Variants in MMP24 observed in about 807,000 individuals in gnomAD.
MMP24 encodes the protein matrix metalloproteinase-24.
MMP24 carries 25 observed loss-of-function variants against 62.8 expected under a neutral mutation model. The ratio of observed to expected loss-of-function variants is 0.40; its 90% CI spans 0.29 to 0.56. MMP24 has a LOEUF of 0.56. Among genes scored for constraint, MMP24 ranks in the 20% least tolerant of loss-of-function variants. The pLI is 0.50. For missense variants in MMP24, 634 were observed against 853.6 expected (o/e 0.74, Z 3.21); for synonymous variants, 319 against 350.5 (o/e 0.91, Z 1.00).
chr20:35,259,310 T>C (rs2060591096), intron 4 of MMP24, among the ~76,000 whole-genome samples: 1 of 152,220 alleles, frequency 6.6e-6, no homozygotes, highest in South Asian at 2.1e-4. Context: ...CTGCAGGTGG[T>C]CCGAGTATTT....
In MMP24 at chr20:35,274,709, G is replaced by T; in HGVS notation, c.*100G>T. On this transcript the variant is annotated 3_prime_UTR_variant, in exon 9 of 9. Coordinates refer to ENST00000246186, the MANE Select transcript of MMP24 (RefSeq NM_006690.4). This position sits in a 1 kb window ranked among gnomAD's most constrained non-coding sequence, Gnocchi z 5.1. The stretch of plus-strand genomic sequence containing the variant: ...TGGCCAGTGCTCACCAGGGCCAGCA[G>T]GGCCCTAGGCTGGGGTCGTACAGCT... 9.3e-7 allele frequency: 1 copy of T among 1,080,994 alleles called. No homozygotes were observed. The highest frequency in any genetic ancestry group is 1.6e-5 in the African/African-American group (1 of 62,860). The allele number at this position is 1,080,994 out of a possible 1,614,324, so 67.0% of individuals were successfully genotyped here.
intron 1 of MMP24, among the ~76,000 whole-genome samples, chr20:35,244,930 A>C: frequency 6.6e-6 from 1 of 152,208 alleles, no homozygotes; most frequent in East Asian, 1.9e-4. Flanking sequence ...AAGGATACTC[A>C]GTCAATTCTT....
Position 35,276,591 on chromosome 20 carries a change from T to C in MMP24, c.*1982T>C. 1 of 279,426 alleles carries C rather than the reference T, an allele frequency of 3.6e-6. No homozygotes were observed. The highest frequency in any genetic ancestry group is 6.7e-6 in the Non-Finnish European group (1 of 150,064). The allele number at this position is 279,426 out of a possible 1,614,324, so 17.3% of individuals were successfully genotyped here. ...GTATCCACCTCTTCCTGGCCTCCCT[T>C]CCCCCACTTCCTGGTCCCTGTCCAC... On this transcript the variant is annotated 3_prime_UTR_variant, in exon 9 of 9. Coordinates refer to ENST00000246186, the MANE Select transcript of MMP24 (RefSeq NM_006690.4).
chr20:35,261,795 C>CTTTTTTT (rs11335936), intron 4 of MMP24, among the ~76,000 whole-genome samples: 7 of 88,992 alleles, frequency 7.9e-5, no homozygotes, highest in Admixed American at 2.4e-4. Context: ...TCAGGGCATC[C>CTTTTTTT]TTTTTTTTTT....
chr20:35,250,957 G>GCTAC (rs1480563439), intron 2 of MMP24, among the ~76,000 whole-genome samples: 1 of 152,122 alleles, frequency 6.6e-6, no homozygotes, highest in Non-Finnish European at 1.5e-5. Context: ...CAGGCACTGG[G>GCTAC]CTACCTTCTT....
Position 35,246,873 on chromosome 20 carries a change from T to C in MMP24, c.280T>C (p.Tyr94His), listed in dbSNP as rs1358975103. 7 of 1,614,048 alleles carry C rather than the reference T, an allele frequency of 4.3e-6. No homozygotes were observed. Among genetic ancestry groups the C allele is most frequent in the Non-Finnish European group, 5.9e-6 (7 of 1,179,888 alleles). The change falls in exon 2 of 9, where the codon TAT (tyrosine) becomes CAT (histidine). Residue 94 changes from tyrosine to histidine, a missense_variant. By Grantham distance (83) the Tyr-to-His change is moderately conservative (BLOSUM62 2). Coordinates refer to ENST00000246186, the MANE Select transcript of MMP24 (RefSeq NM_006690.4). ...WLKSYGYLLP[Y>H]DSRASALHSA... The stretch of plus-strand genomic sequence containing the variant: ...AAAGTCCTATGGCTATCTGCTTCCC[T>C]ATGACTCACGGGCATCTGCGCTGCA...
At chr20:35,261,856 A>G (rs977472859) in intron 4 of MMP24, among the ~76,000 whole-genome samples, 2 of 135,700 alleles carry the variant, frequency 1.5e-5, no homozygotes, top group Non-Finnish European at 3.0e-5. Flanking sequence ...GCTGGAGTGC[A>G]GTGGCGCGAT....
intron 3 of MMP24, 148 bp downstream of exon 3, chr20:35,252,169 C>T: frequency 1.5e-6 from 1 of 661,698 alleles, no homozygotes; most frequent in Non-Finnish European, 2.7e-6. Context: ...GGCATTGGCA[C>T]TAGGTGCTGA....
At chr20:35,230,189 C>T (rs922609774) in intron 1 of MMP24, among the ~76,000 whole-genome samples, 3 of 152,064 alleles carry the variant, frequency 2.0e-5, no homozygotes, top group East Asian at 1.9e-4. Flanking sequence ...GGGTTTTCGC[C>T]GTATTGGCCA....
In MMP24 at chr20:35,272,053, G is replaced by C. The variant is rs1029673604; in HGVS notation, c.1600+218G>C. On this transcript the variant is annotated intron_variant, in intron 8 of 8. Transcript: ENST00000246186. ...ATCTGCAGGAATGATTCACGGCAGA[G>C]AGACGTTGTCATAGACTGACTTCAT... 12 of 609,522 alleles carry C rather than the reference G, an allele frequency of 2.0e-5. No homozygotes were observed. The East Asian group carries it at 2.2e-4, about 11-fold the overall frequency. The allele number at this position is 609,522 out of a possible 1,614,324, so 37.8% of individuals were successfully genotyped here.
chr20:35,256,928 GTTC>G (rs923010738), intron 4 of MMP24, among the ~76,000 whole-genome samples: 1 of 152,072 alleles, frequency 6.6e-6, no homozygotes, highest in African/African-American at 2.4e-5. Flanking sequence ...ACCAATGGGG[GTTC>G]TTGTTATAAA....
chr20:35,238,788 TC>T (rs2060475247), intron 1 of MMP24, among the ~76,000 whole-genome samples: 2 of 152,274 alleles, frequency 1.3e-5, no homozygotes, highest in Admixed American at 1.3e-4. Context: ...TAAATAGCTG[TC>T]CCACTCTCCA....
chr20:35,273,001 A>G (rs2060680296), intron 8 of MMP24, among the ~76,000 whole-genome samples: 1 of 152,174 alleles, frequency 6.6e-6, no homozygotes, highest in South Asian at 2.1e-4. Flanking sequence ...ATGTGGATTG[A>G]CAGGATTCAT....
chr20:35,253,270 C>CTTT lies in MMP24; in HGVS notation c.513-1159_513-1157dup, dbSNP rs34474017. 7.7e-3 allele frequency among the ~76,000 whole-genome samples: 608 copies of CTTT among 79,030 alleles called. 70 individuals are homozygous for CTTT. The highest frequency in any genetic ancestry group is 0.031 in the African/African-American group (529 of 17,174). The allele number at this position is 79,030 out of a possible 152,430, so 51.8% of individuals were successfully genotyped here. A position where few individuals can be genotyped will look rare whatever the true frequency, so the allele number is the denominator to read the frequency against. On this transcript the variant is annotated intron_variant, in intron 3 of 8. Coordinates refer to ENST00000246186, the MANE Select transcript of MMP24 (RefSeq NM_006690.4). ...GACAAGCACTCCCTACAGAACGGGA[C>CTTT]TTTTTTTTTTTTTTTTTTTTTTTCA...
At chr20:35,261,190 G>A (rs904392019) in intron 4 of MMP24, among the ~76,000 whole-genome samples, 3 of 152,186 alleles carry the variant, frequency 2.0e-5, no homozygotes, top group Non-Finnish European at 1.5e-5. Context: ...CCTAAGTTCA[G>A]GCCTCCTTGT....
At chr20:35,268,379 A>G (rs114948364) in intron 6 of MMP24, among the ~76,000 whole-genome samples, 1,840 of 152,252 alleles carry the variant, frequency 0.012, 24 homozygotes, top group African/African-American at 0.042. Flanking sequence ...AGGATGGTGA[A>G]AGAGGCTGCC....
chr20:35,259,361 G>A (rs548792492), intron 4 of MMP24, among the ~76,000 whole-genome samples: 8 of 152,218 alleles, frequency 5.3e-5, no homozygotes, highest in East Asian at 1.9e-4. Context: ...GTTCCATTCC[G>A]GGGGCTGTCA....
chr20:35,257,868 A>G (rs765996635), intron 4 of MMP24, among the ~76,000 whole-genome samples: 4 of 152,202 alleles, frequency 2.6e-5, no homozygotes, highest in African/African-American at 4.8e-5. Context: ...GCAGCTCAGG[A>G]CCACAGCAAT....
chr20:35,247,076 C>A, intron 2 of MMP24, 88 bp downstream of exon 2: 1 of 1,450,852 alleles, frequency 6.9e-7, no homozygotes, highest in Non-Finnish European at 9.6e-7. Flanking sequence ...CACCCCATGC[C>A]CATCCTCCCT....
Sources: allele counts gnomAD v4.1 joint callset (sites outside exome capture counted in the v4.1 genomes callset), GRCh38; gene constraint gnomAD v4.1.1; non-coding constraint Gnocchi (gnomAD v3.1); transcripts MANE v1.5; gene names NCBI Gene and HGNC (gene_info 2026-07-23, HGNC 2026-07-21).